KIRREL3: variants seen among roughly 807,000 people sequenced by gnomAD.
The protein encoded by KIRREL3 is kirre like nephrin family adhesion molecule 3, also known as kin of IRRE-like protein 3.
KIRREL3 carries 36 observed loss-of-function variants against 89.7 expected under a neutral mutation model. That is an observed-to-expected ratio of 0.40 (90% CI 0.31 to 0.53). The LOEUF (loss-of-function observed/expected upper bound fraction) is 0.53, where lower values mean the gene tolerates loss of function less well. Ranked by LOEUF, KIRREL3 falls within the 20% of genes least tolerant of loss-of-function variation. KIRREL3 has a pLI of 0.49. For missense variants in KIRREL3, 864 were observed against 1,056.6 expected, an observed-to-expected ratio of 0.82 and a Z score of 2.53; for synonymous variants, 445 against 441.4, an observed-to-expected ratio of 1.01 and a Z score of -0.10.
chr11:126,885,840 T>C (rs1945673644), intron 1 of KIRREL3, among the ~76,000 whole-genome samples: 1 of 152,216 alleles, frequency 6.6e-6, no homozygotes, highest in Admixed American at 6.5e-5. Context: ...ACTTTTCTAT[T>C]TGGCAACAAA....
rs1298383608 is a variant in KIRREL3 at position 126,601,654 on chromosome 11, A to G, written c.56-38742T>C. On this transcript the variant is annotated intron_variant, in intron 1 of 16. Coordinates refer to ENST00000525144, the MANE Select transcript of KIRREL3 (RefSeq NM_032531.4). This position sits in a 1 kb window ranked among gnomAD's most constrained non-coding sequence, Gnocchi z 5.8. ...GAGAACCAGAGAAAGGAGGCCTCACAGTGTCCTGGCCCCCTCTGCCCACTT... is the reference window on the plus strand; with the variant it reads ...GAGAACCAGAGAAAGGAGGCCTCACGGTGTCCTGGCCCCCTCTGCCCACTT... Among the ~76,000 whole-genome samples, 1 of 152,120 alleles carries G rather than the reference A, an allele frequency of 6.6e-6. No individual in the cohort carries two copies. The highest frequency in any genetic ancestry group is 6.5e-5 in the Admixed American group (1 of 15,268).
rs1267418419 is a variant in KIRREL3 at position 126,496,093 on chromosome 11, C to A, written c.434-22627G>T. 2.0e-5 allele frequency among the ~76,000 whole-genome samples: 3 copies of A among 152,188 alleles called. No homozygotes were observed. The highest frequency in any genetic ancestry group is 4.8e-5 in the African/African-American group (2 of 41,444). On this transcript the variant is annotated intron_variant, in intron 4 of 16. Transcript: ENST00000525144. The surrounding 1 kb of genome is among the most constrained non-coding windows in gnomAD (Gnocchi z 4.9). ...TCCAGAACCATTCAGCTAAGCCAGG[C>A]TCAGTTTCTTGACCTGCAGAAACTG...
chr11:126,976,227 ATTTG>A lies in KIRREL3; in HGVS notation c.55+24224_55+24227del, dbSNP rs1459414546. On this transcript the variant is annotated intron_variant, in intron 1 of 16. Coordinates refer to ENST00000525144, the MANE Select transcript of KIRREL3 (RefSeq NM_032531.4). The surrounding 1 kb of genome is among the most constrained non-coding windows in gnomAD (Gnocchi z 4.2). The stretch of plus-strand genomic sequence containing the variant: ...CCTGCAATATACCTGACAGAGGAAA[ATTTG>A]TTTATCAAATTTGTGAATAACACAA... Among the ~76,000 whole-genome samples the A allele has an allele frequency of 5.3e-5, 8 of 152,106 alleles. No individual in the cohort carries two copies. Among genetic ancestry groups the A allele is most frequent in the African/African-American group, 1.9e-4 (8 of 41,412 alleles).
At position 126,719,164 on chromosome 11, in the gene KIRREL3, C is replaced by T. The variant is rs1464530703; in HGVS notation, c.56-156252G>A. On this transcript the variant is annotated intron_variant, in intron 1 of 16. Transcript: ENST00000525144. The surrounding 1 kb of genome is among the most constrained non-coding windows in gnomAD (Gnocchi z 4.7). ...ACGCATTTCCCTTCATTCCGACACTCGGTAACCCACTTATTCTGGTTTTGT... is the reference window on the plus strand; with the variant it reads ...ACGCATTTCCCTTCATTCCGACACTTGGTAACCCACTTATTCTGGTTTTGT... Among the ~76,000 whole-genome samples the T allele has an allele frequency of 2.0e-5, 3 of 152,190 alleles. No homozygotes were observed. Among genetic ancestry groups the T allele is most frequent in the Admixed American group, 6.5e-5 (1 of 15,278 alleles).
intron 1 of KIRREL3, among the ~76,000 whole-genome samples, chr11:126,730,597 G>C (rs528014232): frequency 6.6e-6 from 1 of 152,330 alleles, no homozygotes; most frequent in South Asian, 2.1e-4. Context: ...CGAAGTGGTT[G>C]CTACTAGCAT....
In KIRREL3 at chr11:126,946,338, C is replaced by T. The variant is rs1948619194; in HGVS notation, c.55+54117G>A. 6.6e-6 allele frequency among the ~76,000 whole-genome samples: 1 copy of T among 152,308 alleles called. No individual in the cohort carries two copies. The highest frequency in any genetic ancestry group is 1.9e-4 in the East Asian group (1 of 5,184). The stretch of plus-strand genomic sequence containing the variant: ...GGAAGATTTGGTTGCTACAACATGC[C>T]ACCATACTGGGAGTTGCAAGACCTG... On this transcript the variant is annotated intron_variant, in intron 1 of 16. Transcript: ENST00000525144. The surrounding 1 kb of genome is among the most constrained non-coding windows in gnomAD (Gnocchi z 4.1).
chr11:126,704,802 C>T lies in KIRREL3; in HGVS notation c.56-141890G>A, dbSNP rs1165311762. Reference sequence around the variant, plus strand: ...ACAGGAACCACATCAGAATTGGTGACAAAACAAGCTGGGGGGCTCCTAAAG... The same window carrying T: ...ACAGGAACCACATCAGAATTGGTGATAAAACAAGCTGGGGGGCTCCTAAAG... On this transcript the variant is annotated intron_variant, in intron 1 of 16. Coordinates refer to ENST00000525144, the MANE Select transcript of KIRREL3 (RefSeq NM_032531.4). This position sits in a 1 kb window ranked among gnomAD's most constrained non-coding sequence, Gnocchi z 4.2. Among the ~76,000 whole-genome samples the T allele has an allele frequency of 2.0e-5, 3 of 152,164 alleles. 1 individual carries two copies. The South Asian group carries it at 6.2e-4, about 32-fold the overall frequency.
intron 1 of KIRREL3, among the ~76,000 whole-genome samples, chr11:126,902,732 G>A (rs1229799364): frequency 6.6e-6 from 1 of 152,164 alleles, no homozygotes; most frequent in Admixed American, 6.5e-5. Context: ...GCAAACACTG[G>A]GACACAGCTC....
At chr11:126,986,801 A>T (rs1434101186) in intron 1 of KIRREL3, among the ~76,000 whole-genome samples, 2 of 152,218 alleles carry the variant, frequency 1.3e-5, no homozygotes, top group African/African-American at 4.8e-5. Context: ...AGCTCCCACG[A>T]GTCACCTTAA....
rs1308403270 is a variant in KIRREL3, at chr11:126,608,816, G to A, written c.56-45904C>T. ...ATTTCCTGGGGCCTAACTGCTGGGA[G>A]TGCACTTCTGGAGTGGAGATGGGCA... On this transcript the variant is annotated intron_variant, in intron 1 of 16. Transcript: ENST00000525144. This position sits in a 1 kb window ranked among gnomAD's most constrained non-coding sequence, Gnocchi z 4.9. Among the ~76,000 whole-genome samples the A allele has an allele frequency of 2.0e-5, 3 of 152,196 alleles. No homozygotes were observed. The highest frequency in any genetic ancestry group is 7.2e-5 in the African/African-American group (3 of 41,446).
rs1291446446 is a variant in KIRREL3 at position 126,686,218 on chromosome 11, G to A, written c.56-123306C>T. Among the ~76,000 whole-genome samples the A allele has an allele frequency of 6.6e-6, 1 of 152,208 alleles. No homozygotes were observed. Among genetic ancestry groups the A allele is most frequent in the Non-Finnish European group, 1.5e-5 (1 of 68,040 alleles). On this transcript the variant is annotated intron_variant, in intron 1 of 16. Transcript: ENST00000525144. The surrounding 1 kb of genome is among the most constrained non-coding windows in gnomAD (Gnocchi z 4.7). ...CCCACCTGCAGGGGCTTTCTCACGT[G>A]TGGCGCGGGTGTGGAGGCAGGTCTC... is the stretch of plus-strand genomic sequence containing the variant.
chr11:126,787,526 T>C (rs1052906623), intron 1 of KIRREL3, among the ~76,000 whole-genome samples: 1 of 152,184 alleles, frequency 6.6e-6, no homozygotes, highest in African/African-American at 2.4e-5. Context: ...ACTTCTGGCA[T>C]CTTCTTTTCA....
rs541532820 is a variant in KIRREL3, at chr11:126,830,267, C to A, written c.55+170188G>T. ...GTTGGCAGCTTCTCACCAAGTCCCACCAGCAGCTGCAAATATTCATTAATA... is the reference window on the plus strand; with the variant it reads ...GTTGGCAGCTTCTCACCAAGTCCCAACAGCAGCTGCAAATATTCATTAATA... On this transcript the variant is annotated intron_variant, in intron 1 of 16. Transcript: ENST00000525144. This position sits in a 1 kb window ranked among gnomAD's most constrained non-coding sequence, Gnocchi z 4.9. Among the ~76,000 whole-genome samples, 26 of 152,294 alleles carry A rather than the reference C, an allele frequency of 1.7e-4. No individual in the cohort carries two copies. In the South Asian group the frequency reaches 5.4e-3, roughly 32 times the overall value.
chr11:126,570,380 A>C lies in KIRREL3; in HGVS notation c.56-7468T>G, dbSNP rs1940836422. On this transcript the variant is annotated intron_variant, in intron 1 of 16. Coordinates refer to ENST00000525144, the MANE Select transcript of KIRREL3 (RefSeq NM_032531.4). This position sits in a 1 kb window ranked among gnomAD's most constrained non-coding sequence, Gnocchi z 6.1. ...TACATACCAATTAAATTCATATAAG[A>C]GGAATCTGAAACAGCTGTGGTCTTA... 1.3e-5 allele frequency among the ~76,000 whole-genome samples: 2 copies of C among 152,236 alleles called. No individual in the cohort carries two copies. The highest frequency in any genetic ancestry group is 2.9e-5 in the Non-Finnish European group (2 of 68,040).
chr11:126,600,443 AC>A (rs1389156753), intron 1 of KIRREL3, among the ~76,000 whole-genome samples: 1 of 152,230 alleles, frequency 6.6e-6, no homozygotes, highest in Non-Finnish European at 1.5e-5. Context: ...GCAAGAAATA[AC>A]TAATCTAGGT....
At position 126,431,206 on chromosome 11, in the gene KIRREL3, C is replaced by G; in HGVS notation, c.1696+213G>C. On this transcript the variant is annotated intron_variant, in intron 14 of 16. Coordinates refer to ENST00000525144, the MANE Select transcript of KIRREL3 (RefSeq NM_032531.4). This position sits in a 1 kb window ranked among gnomAD's most constrained non-coding sequence, Gnocchi z 7.1. ...CCTGCAGATGAAGTTCAGTCTAGTC[C>G]AGGTCAACCTCAGCCTAGCGCCCAC... 6 of 1,491,226 alleles carry G rather than the reference C, an allele frequency of 4.0e-6. No individual in the cohort carries two copies. The highest frequency in any genetic ancestry group is 5.4e-6 in the Non-Finnish European group (6 of 1,116,256). The allele number at this position is 1,491,226 out of a possible 1,614,324, so 92.4% of individuals were successfully genotyped here.
intron 1 of KIRREL3, among the ~76,000 whole-genome samples, chr11:126,956,712 A>C (rs997034312): frequency 1.3e-5 from 2 of 152,182 alleles, no homozygotes; most frequent in African/African-American, 4.8e-5. Flanking sequence ...GAAGCAGCCC[A>C]ATCCACCGTC....
Position 126,778,710 on chromosome 11 carries a change from G to C in KIRREL3, c.56-215798C>G, listed in dbSNP as rs186398868. Among the ~76,000 whole-genome samples the C allele has an allele frequency of 6.6e-6, 1 of 152,234 alleles. No homozygotes were observed. The highest frequency in any genetic ancestry group is 1.5e-5 in the Non-Finnish European group (1 of 68,010). On this transcript the variant is annotated intron_variant, in intron 1 of 16. Coordinates refer to ENST00000525144, the MANE Select transcript of KIRREL3 (RefSeq NM_032531.4). The surrounding 1 kb of genome is among the most constrained non-coding windows in gnomAD (Gnocchi z 4.5). ...AAAGGTGGTACCAACATACATTCCC[G>C]CTAGTAATGTTCAGAGAGTGCTATG... is the stretch of plus-strand genomic sequence containing the variant.
chr11:126,880,236 C>T (rs1281351132), intron 1 of KIRREL3, among the ~76,000 whole-genome samples: 2 of 152,176 alleles, frequency 1.3e-5, no homozygotes, highest in Admixed American at 6.5e-5. Context: ...ACCACAAAAG[C>T]AATTTCTAGT....
Sources: allele counts gnomAD v4.1 joint callset (sites outside exome capture counted in the v4.1 genomes callset), GRCh38; gene constraint gnomAD v4.1.1; non-coding constraint Gnocchi (gnomAD v3.1); transcripts MANE v1.5; gene names NCBI Gene and HGNC (gene_info 2026-07-23, HGNC 2026-07-21).